The following EIF3A variants were observed in gnomAD, a reference collection of about 807,000 sequenced individuals.
EIF3A encodes EIF3, p180 subunit.
EIF3A carries 21 observed loss-of-function variants against 186.6 expected under a neutral mutation model. The observed-to-expected ratio is 0.11, with a 90% CI of 0.08 to 0.16. The LOEUF (loss-of-function observed/expected upper bound fraction) is 0.16. Among genes scored for constraint, EIF3A ranks in the 10% least tolerant of loss-of-function variants. EIF3A has a pLI of 1.00. For synonymous variants in EIF3A, 563 were observed against 584.3 expected, an observed-to-expected ratio of 0.96 and a Z score of 0.52; for missense variants, 1,306 against 1,796.3, an observed-to-expected ratio of 0.73 and a Z score of 4.93.
chr10:119,060,911 C>G, intron 8 of EIF3A, 67 bp from the exon 9 acceptor site: 1 of 1,092,084 alleles, frequency 9.2e-7, no homozygotes. Context: ...ACATCTAAAA[C>G]TCTTTTTTTT....
rs557807008 is a variant in EIF3A at position 119,057,904 on chromosome 10, G to A, written c.1977+52C>T. On this transcript the variant is annotated intron_variant, in intron 12 of 21. Coordinates refer to ENST00000369144, the MANE Select transcript of EIF3A (RefSeq NM_003750.4). ...ATGGTAAAGGACTGTGGTTCTAAGA[G>A]TACAAAATACCTGGATAAAACTAAT... 8 of 1,435,064 alleles carry A rather than the reference G, an allele frequency of 5.6e-6. No homozygotes were observed. The East Asian group carries it at 9.1e-5, about 16-fold the overall frequency. 88.9% of individuals were successfully genotyped at this position (1,435,064 alleles called of 1,614,324 possible). A position where few individuals can be genotyped will look rare whatever the true frequency, so the allele number is the denominator to read the frequency against.
intron 17 of EIF3A, among the ~76,000 whole-genome samples, chr10:119,046,149 G>A (rs1265689855): frequency 6.6e-6 from 1 of 152,112 alleles, no homozygotes; most frequent in African/African-American, 2.4e-5. Flanking sequence ...CACAGTCTTA[G>A]GGACAGTTTT....
chr10:119,069,394 T>A (rs111800999), intron 6 of EIF3A, 52 bp downstream of exon 6: 62 of 906,056 alleles, frequency 6.8e-5, no homozygotes, highest in Non-Finnish European at 1.1e-4. Flanking sequence ...TGTCATATAA[T>A]AGACGATATT....
intron 19 of EIF3A, 90 bp downstream of exon 19, chr10:119,041,904 G>A: frequency 1.3e-5 from 18 of 1,371,540 alleles, no homozygotes; most frequent in South Asian, 4.1e-5. Context: ...AGTTTATCTG[G>A]AAAATAACAA....
chr10:119,037,907 ATTTTT>A (rs575308953), intron 20 of EIF3A, among the ~76,000 whole-genome samples: 2 of 93,102 alleles, frequency 2.1e-5, no homozygotes, highest in Non-Finnish European at 3.8e-5. Context: ...TTAAGAGGGA[ATTTTT>A]TTTTTTTTTT....
intron 21 of EIF3A, 29 bp from the exon 22 acceptor site, chr10:119,036,297 T>A (rs767319325): frequency 2.0e-5 from 28 of 1,420,174 alleles, no homozygotes; most frequent in Non-Finnish European, 2.5e-5. Flanking sequence ...AAAAAAAAAT[T>A]AAGTTAGTAC....
intron 1 of EIF3A, among the ~76,000 whole-genome samples, chr10:119,076,265 G>A (rs1210902317): frequency 4.0e-5 from 6 of 150,422 alleles, no homozygotes; most frequent in African/African-American, 1.2e-4. Context: ...TTCAGGAGGC[G>A]GAGGTTGCGG....
intron 1 of EIF3A, among the ~76,000 whole-genome samples, chr10:119,076,659 C>T (rs901556470): frequency 1.3e-5 from 2 of 151,972 alleles, no homozygotes; most frequent in Non-Finnish European, 1.5e-5. Context: ...TGTAACAGTA[C>T]AGCCAGGCGC....
At chr10:119,047,282 C>A (rs1040802504) in intron 17 of EIF3A, among the ~76,000 whole-genome samples, 1 of 151,990 alleles carries the variant, frequency 6.6e-6, no homozygotes, top group Non-Finnish European at 1.5e-5. Context: ...CACACACACA[C>A]AAAAAGAACC....
chr10:119,041,724 G>T (rs184205516), intron 19 of EIF3A, among the ~76,000 whole-genome samples: 1 of 152,300 alleles, frequency 6.6e-6, no homozygotes, highest in Admixed American at 6.5e-5. Context: ...GAAAGCATGA[G>T]TACAGGAAGA....
chr10:119,059,129 T>G, intron 11 of EIF3A, 83 bp downstream of exon 11: 1 of 1,119,220 alleles, frequency 8.9e-7, no homozygotes, highest in Non-Finnish European at 1.3e-6. Flanking sequence ...AGATATTGTC[T>G]CAAACCTTTT....
At chr10:119,065,288 A>G in intron 7 of EIF3A, 111 bp downstream of exon 7, 1 of 820,866 alleles carries the variant, frequency 1.2e-6, no homozygotes, top group Admixed American at 2.4e-5. Context: ...CTGTCCATAC[A>G]TCAGAACCCT....
Position 119,058,218 on chromosome 10 carries a change from C to T in EIF3A, c.1715G>A (p.Arg572His), listed in dbSNP as rs1458309418. 3.7e-6 allele frequency: 6 copies of T among 1,613,272 alleles called. No homozygotes were observed. The highest frequency in any genetic ancestry group is 2.2e-5 in the South Asian group (2 of 91,006). The change falls in exon 12 of 22, where the codon CGC (arginine) becomes CAC (histidine). Residue 572 changes from arginine to histidine, a missense_variant. This residue lies in a region of EIF3A where 94 missense variants were observed against 204.9 expected (regional missense o/e 0.46). Coordinates refer to ENST00000369144, the MANE Select transcript of EIF3A (RefSeq NM_003750.4). The part of the protein sequence containing the change: ...RKEHQRILAR[R>H]QTIEERKERL... ...CTCTTTTCTCTCCTCAATTGTCTGG[C>T]GGCGAGCCAGGATCCGCTGGTGCTC...
intron 19 of EIF3A, among the ~76,000 whole-genome samples, chr10:119,039,869 G>A (rs1467582646): frequency 6.6e-6 from 1 of 152,118 alleles, no homozygotes; most frequent in African/African-American, 2.4e-5. Context: ...GACATTTTAT[G>A]TATTGATTGG....
chr10:119,056,453 T>C (rs1843784518), intron 14 of EIF3A, among the ~76,000 whole-genome samples: 1 of 152,202 alleles, frequency 6.6e-6, no homozygotes, highest in Non-Finnish European at 1.5e-5. Flanking sequence ...GCAAGTAAAA[T>C]GAAAACTATG....
chr10:119,070,048 T>TAAA, intron 5 of EIF3A, among the ~76,000 whole-genome samples: 1 of 152,236 alleles, frequency 6.6e-6, no homozygotes, highest in Non-Finnish European at 1.5e-5. Flanking sequence ...TGTTTACTTA[T>TAAA]CTTCTACAGG....
intron 7 of EIF3A, among the ~76,000 whole-genome samples, chr10:119,063,818 C>T (rs1255310206): frequency 2.6e-5 from 4 of 152,214 alleles, no homozygotes; most frequent in African/African-American, 9.6e-5. Flanking sequence ...GGCACGGTGG[C>T]ACACCTGTAA....
chr10:119,048,103 CACGGAAGACT>C (rs1442808921), intron 17 of EIF3A, among the ~76,000 whole-genome samples: 5 of 151,770 alleles, frequency 3.3e-5, no homozygotes, highest in African/African-American at 1.2e-4. Flanking sequence ...ACGGCAGCAA[CACGGAAGACT>C]ACTAACGCGT....
At chr10:119,069,003 A>G (rs1014535864) in intron 6 of EIF3A, among the ~76,000 whole-genome samples, 10 of 152,278 alleles carry the variant, frequency 6.6e-5, no homozygotes, top group Middle Eastern at 6.8e-3. Context: ...AAAGGAAAAA[A>G]AAGTATTTTT....
Sources: allele counts gnomAD v4.1 joint callset (sites outside exome capture counted in the v4.1 genomes callset), GRCh38; gene constraint gnomAD v4.1.1; regional missense constraint gnomAD v4.1.1; transcripts MANE v1.5; gene names NCBI Gene and HGNC (gene_info 2026-07-23, HGNC 2026-07-21).